NOS1AP: variants seen among roughly 807,000 people sequenced by gnomAD.
NOS1AP encodes nitric oxide synthase 1 adaptor protein.
Under a neutral mutation model 56.2 loss-of-function variants are expected in NOS1AP, and 21 were observed. The observed-to-expected ratio is 0.37, with a 90% CI of 0.26 to 0.54. The LOEUF is 0.54. Among genes scored for constraint, NOS1AP ranks in the 20% least tolerant of loss-of-function variants. The pLI is 0.84. For synonymous variants in NOS1AP, 270 were observed against 274.6 expected, an observed-to-expected ratio of 0.98 and a Z score of 0.17; for missense variants, 522 against 657.8, an observed-to-expected ratio of 0.79 and a Z score of 2.26.
chr1:162,218,194 C>T (rs1044663089), intron 2 of NOS1AP, among the ~76,000 whole-genome samples: 3 of 152,218 alleles, frequency 2.0e-5, no homozygotes, highest in African/African-American at 7.2e-5. Flanking sequence ...GAAGCAGTTC[C>T]GGGACTTAAA....
chr1:162,327,000 T>C (rs1487479959), intron 4 of NOS1AP, among the ~76,000 whole-genome samples: 4 of 152,182 alleles, frequency 2.6e-5, no homozygotes, highest in African/African-American at 9.7e-5. Flanking sequence ...TTGAAAAGTA[T>C]ACAATATGGA....
chr1:162,231,270 C>CAA lies in NOS1AP; in HGVS notation c.178-56073_178-56072insAA, dbSNP rs751504124. Among the ~76,000 whole-genome samples the CAA allele has an allele frequency of 5.3e-3, 811 of 152,288 alleles. 4 individuals are homozygous for CAA. The highest frequency in any genetic ancestry group is 8.7e-3 in the Non-Finnish European group (593 of 68,004). ...AGCAGCTTTTCATATGCCTCCTGGC[C>CAA]ATTTGGGTGTCTTCTTTGAAGAAAT... On this transcript the variant is annotated intron_variant, in intron 2 of 9. Coordinates refer to ENST00000361897, the MANE Select transcript of NOS1AP (RefSeq NM_014697.3).
intron 2 of NOS1AP, among the ~76,000 whole-genome samples, chr1:162,231,565 A>G (rs966614926): frequency 1.3e-5 from 2 of 152,186 alleles, no homozygotes; most frequent in Admixed American, 1.3e-4. Flanking sequence ...AAAATATTCA[A>G]TATGTCATCA....
At chr1:162,324,860 T>A (rs1024959485) in intron 4 of NOS1AP, among the ~76,000 whole-genome samples, 5 of 152,220 alleles carry the variant, frequency 3.3e-5, no homozygotes, top group African/African-American at 4.8e-5. Flanking sequence ...TCGAGGTCTC[T>A]CCCAGCCCTG....
At chr1:162,224,071 T>G (rs1340129285) in intron 2 of NOS1AP, among the ~76,000 whole-genome samples, 1 of 152,126 alleles carries the variant, frequency 6.6e-6, no homozygotes, top group Non-Finnish European at 1.5e-5. Context: ...CACTTTGCAT[T>G]CACAGGTTTA....
chr1:162,255,490 A>ATTTTTTTTTTTTTTTTTTTTTTT lies in NOS1AP; in HGVS notation c.178-31841_178-31819dup, dbSNP rs35637289. 2.1e-4 allele frequency among the ~76,000 whole-genome samples: 13 copies of ATTTTTTTTTTTTTTTTTTTTTTT among 60,992 alleles called. 1 individual carries two copies. Among genetic ancestry groups the ATTTTTTTTTTTTTTTTTTTTTTT allele is most frequent in the Non-Finnish European group, 2.8e-4 (8 of 28,172 alleles). 40.0% of individuals were successfully genotyped at this position (60,992 alleles called of 152,430 possible). Reference sequence around the variant, plus strand: ...ATGCATAGGTTATTTGCTGCTGCTGATTTTTTTTTTTTTTTTTTTTTTTTT... The same window carrying ATTTTTTTTTTTTTTTTTTTTTTT: ...ATGCATAGGTTATTTGCTGCTGCTGATTTTTTTTTTTTTTTTTTTTTTTTTTTTTTTTTTTTTTTTTTTTTTTT... On this transcript the variant is annotated intron_variant, in intron 2 of 9. Coordinates refer to ENST00000361897, the MANE Select transcript of NOS1AP (RefSeq NM_014697.3).
chr1:162,241,205 C>A (rs1653479241), intron 2 of NOS1AP, among the ~76,000 whole-genome samples: 1 of 152,092 alleles, frequency 6.6e-6, no homozygotes, highest in African/African-American at 2.4e-5. Context: ...ATTAGCCAGA[C>A]AAGGGAAGCA....
At chr1:162,264,248 T>C (rs1654326732) in intron 2 of NOS1AP, among the ~76,000 whole-genome samples, 1 of 152,122 alleles carries the variant, frequency 6.6e-6, no homozygotes, top group Non-Finnish European at 1.5e-5. Flanking sequence ...ATTTTCCTCT[T>C]CAGCCTCTTC....
intron 2 of NOS1AP, among the ~76,000 whole-genome samples, chr1:162,240,277 G>C (rs1328112950): frequency 6.6e-6 from 1 of 151,732 alleles, no homozygotes; most frequent in African/African-American, 2.4e-5. Flanking sequence ...GTGTGTGTGT[G>C]TGTGTGTTGA....
At chr1:162,179,587 G>C (rs970603378) in intron 2 of NOS1AP, among the ~76,000 whole-genome samples, 7 of 152,214 alleles carry the variant, frequency 4.6e-5, no homozygotes, top group Non-Finnish European at 7.3e-5. Flanking sequence ...AAACAATTCA[G>C]TGAGAATGTA....
At chr1:162,240,508 C>G (rs1020966824) in intron 2 of NOS1AP, among the ~76,000 whole-genome samples, 2 of 152,222 alleles carry the variant, frequency 1.3e-5, no homozygotes, top group African/African-American at 4.8e-5. Context: ...CATTAACCAC[C>G]TGGATAAGGG....
At chr1:162,080,241 T>G (rs909726702) in intron 1 of NOS1AP, among the ~76,000 whole-genome samples, 1 of 152,210 alleles carries the variant, frequency 6.6e-6, no homozygotes, top group African/African-American at 2.4e-5. Flanking sequence ...AAAATGGCAC[T>G]TCCAGCAAGT....
intron 2 of NOS1AP, among the ~76,000 whole-genome samples, chr1:162,278,664 C>T (rs1429315102): frequency 1.4e-5 from 2 of 143,110 alleles, no homozygotes; most frequent in African/African-American, 5.1e-5. Flanking sequence ...ACTCCTTCTA[C>T]GTGTGTGTGT....
chr1:162,158,971 A>G (rs1038979798), intron 2 of NOS1AP, among the ~76,000 whole-genome samples: 2 of 152,174 alleles, frequency 1.3e-5, no homozygotes, highest in African/African-American at 4.8e-5. Context: ...ACAATTCACA[A>G]AGTTTTCAGG....
At chr1:162,128,540 A>G (rs1179030536) in intron 1 of NOS1AP, among the ~76,000 whole-genome samples, 2 of 152,184 alleles carry the variant, frequency 1.3e-5, no homozygotes. Context: ...AATATTGATA[A>G]TTTTCTTCAT....
At chr1:162,326,195 T>C (rs1656585385) in intron 4 of NOS1AP, among the ~76,000 whole-genome samples, 3 of 152,174 alleles carry the variant, frequency 2.0e-5, no homozygotes, top group African/African-American at 7.2e-5. Flanking sequence ...TTTTGGGCTA[T>C]GGCAGGAGAG....
intron 1 of NOS1AP, among the ~76,000 whole-genome samples, chr1:162,087,980 A>G (rs765034739): frequency 1.6e-4 from 24 of 152,146 alleles, no homozygotes; most frequent in South Asian, 6.2e-4. Context: ...GCTCTGTGAA[A>G]AAAAATCCTT....
chr1:162,191,321 G>T (rs548567801), intron 2 of NOS1AP, among the ~76,000 whole-genome samples: 5 of 152,162 alleles, frequency 3.3e-5, no homozygotes, highest in African/African-American at 1.2e-4. Context: ...CTTTCCTGGG[G>T]TAGGGTTTCT....
At position 162,193,680 on chromosome 1, in the gene NOS1AP, A is replaced by G. The variant is rs1369719207; in HGVS notation, c.177+39204A>G. On this transcript the variant is annotated intron_variant, in intron 2 of 9. Coordinates refer to ENST00000361897, the MANE Select transcript of NOS1AP (RefSeq NM_014697.3). ...GGATTGTCTGTTCCCTTCTCTTCTG[A>G]CAATTCCCTGAAGAATGTCTCCTGA... is the stretch of plus-strand genomic sequence containing the variant. 1.3e-5 allele frequency among the ~76,000 whole-genome samples: 2 copies of G among 152,020 alleles called. 1 individual carries two copies. The highest frequency in any genetic ancestry group is 4.8e-5 in the African/African-American group (2 of 41,376).
Sources: gnomAD v4.1 joint callset for allele counts (sites outside exome capture counted in the v4.1 genomes callset) on GRCh38, gnomAD v4.1.1 for gene constraint, MANE v1.5 for transcripts, NCBI Gene and HGNC (gene_info 2026-07-23, HGNC 2026-07-21) for gene names.